Variants in NBAS observed in about 807,000 individuals in gnomAD.
NBAS encodes the protein NAG/BC035112 fusion.
Under a neutral mutation model 302.5 loss-of-function variants are expected in NBAS, and 219 were observed. That is an observed-to-expected ratio of 0.72 (90% CI 0.65 to 0.81). The LOEUF (loss-of-function observed/expected upper bound fraction) is 0.81. Ranked by LOEUF, NBAS falls within the 30% of genes least tolerant of loss-of-function variation. NBAS has a pLI of 0.00. For missense variants in NBAS, 2,932 were observed against 2,841.6 expected (o/e 1.03, Z -0.72); for synonymous variants, 1,118 against 1,021.6 (o/e 1.09, Z -1.80).
the NBAS span, among the ~76,000 whole-genome samples, chr2:14,875,126 G>T: frequency 1.3e-5 from 2 of 151,910 alleles, no homozygotes; most frequent in Non-Finnish European, 2.9e-5. Context: ...AAGATCCTAG[G>T]GATATTTGGC....
At chr2:15,030,335 G>A in the NBAS span, among the ~76,000 whole-genome samples, 1 of 152,214 alleles carries the variant, frequency 6.6e-6, no homozygotes, top group South Asian at 2.1e-4. Context: ...GAAGTGGGTT[G>A]AAGTTTGGAT....
chr2:15,293,990 G>A (rs1346442348), intron 40 of NBAS, among the ~76,000 whole-genome samples: 3 of 152,148 alleles, frequency 2.0e-5, no homozygotes. Flanking sequence ...AAAAGACCTG[G>A]GTTTGAATAC....
chr2:14,954,042 T>G, the NBAS span, among the ~76,000 whole-genome samples: 1 of 152,152 alleles, frequency 6.6e-6, no homozygotes, highest in Non-Finnish European at 1.5e-5. Context: ...GCTTCATTCT[T>G]AAGATTTTCA....
intron 41 of NBAS, among the ~76,000 whole-genome samples, chr2:15,289,621 C>G (rs915875946): frequency 6.6e-6 from 1 of 152,146 alleles, no homozygotes; most frequent in Non-Finnish European, 1.5e-5. Flanking sequence ...AGTTACCCTG[C>G]CTGACCCCTG....
At chr2:15,476,105 C>CA (rs1295131304) in intron 13 of NBAS, among the ~76,000 whole-genome samples, 1 of 152,080 alleles carries the variant, frequency 6.6e-6, no homozygotes, top group Non-Finnish European at 1.5e-5. Context: ...AACAATTTGT[C>CA]AGTCTAGGTC....
chr2:15,342,770 A>G (rs1227536765), intron 35 of NBAS, among the ~76,000 whole-genome samples: 1 of 152,094 alleles, frequency 6.6e-6, no homozygotes, highest in Non-Finnish European at 1.5e-5. Context: ...TTTATCATAG[A>G]TGTTTCACAT....
At chr2:15,384,644 T>G (rs1675201710) in intron 28 of NBAS, among the ~76,000 whole-genome samples, 1 of 152,160 alleles carries the variant, frequency 6.6e-6, no homozygotes, top group Non-Finnish European at 1.5e-5. Flanking sequence ...TTGTTTCTAG[T>G]AGGAGAGACA....
At chr2:15,166,824 T>G, downstream of NBAS, 1 of 483,070 alleles carries the variant, frequency 2.1e-6, no homozygotes. Flanking sequence ...AAAAGGAGGG[T>G]GGGAAGGAAG....
intron 50 of NBAS, among the ~76,000 whole-genome samples, chr2:15,185,243 T>A (rs772246229): frequency 1.2e-4 from 19 of 152,062 alleles, no homozygotes; most frequent in Non-Finnish European, 2.8e-4. Flanking sequence ...TTACAGAAGG[T>A]GGTGAAGGTT....
At chr2:14,953,971 G>T in the NBAS span, among the ~76,000 whole-genome samples, 1 of 152,162 alleles carries the variant, frequency 6.6e-6, no homozygotes, top group Admixed American at 6.5e-5. Flanking sequence ...GCTAGAGCAG[G>T]ATATTTTACC....
At chr2:15,371,479 T>C (rs539436890) in intron 31 of NBAS, among the ~76,000 whole-genome samples, 1 of 152,370 alleles carries the variant, frequency 6.6e-6, no homozygotes, top group East Asian at 1.9e-4. Flanking sequence ...TTATAAAGAA[T>C]AGAATCTTCT....
intron 9 of NBAS, among the ~76,000 whole-genome samples, chr2:15,520,828 T>C (rs1355305167): frequency 3.9e-5 from 6 of 152,236 alleles, no homozygotes; most frequent in Admixed American, 3.9e-4. Context: ...AAAAGCTTAC[T>C]GGGCATGGGA....
intron 6 of NBAS, among the ~76,000 whole-genome samples, chr2:15,546,699 G>A (rs569108690): frequency 6.6e-6 from 1 of 152,338 alleles, no homozygotes; most frequent in Admixed American, 6.5e-5. Flanking sequence ...CTGCACTCCA[G>A]CCTCAGTGAC....
In NBAS at chr2:15,175,059, C is replaced by T. The variant is rs903134690; in HGVS notation, c.6840+3929G>A. Among the ~76,000 whole-genome samples the T allele has an allele frequency of 4.6e-5, 7 of 152,218 alleles. No individual in the cohort carries two copies. In the South Asian group the frequency reaches 6.2e-4, roughly 14 times the overall value. ...CTCAGCTCACTGCAGCTCCACCTCC[C>T]GGGTCCACACCATTCTCCTGCCTCA... is the stretch of plus-strand genomic sequence containing the variant. On this transcript the variant is annotated intron_variant, in intron 51 of 51. Transcript: ENST00000281513.
At chr2:15,552,778 A>C (rs577860756) in intron 5 of NBAS, among the ~76,000 whole-genome samples, 1 of 149,748 alleles carries the variant, frequency 6.7e-6, no homozygotes, top group Admixed American at 6.8e-5. Context: ...GTACCAACAG[A>C]GAAAAAGCAT....
chr2:15,229,781 T>TAA (rs548444923), intron 47 of NBAS, among the ~76,000 whole-genome samples: 1 of 117,428 alleles, frequency 8.5e-6, no homozygotes, highest in African/African-American at 3.2e-5. Context: ...AAACTCCACG[T>TAA]AAAAAAAAAA....
chr2:14,838,944 GAAGA>G, the NBAS span, among the ~76,000 whole-genome samples: 1 of 151,964 alleles, frequency 6.6e-6, no homozygotes, highest in Non-Finnish European at 1.5e-5. Flanking sequence ...TTTCAGCAGA[GAAGA>G]AAGAATGTTG....
At chr2:14,855,006 G>C in the NBAS span, among the ~76,000 whole-genome samples, 1 of 152,066 alleles carries the variant, frequency 6.6e-6, no homozygotes, top group Non-Finnish European at 1.5e-5. Flanking sequence ...GGTTCCAAAA[G>C]AGACCCCTTC....
chr2:14,823,468 C>T, the NBAS span, among the ~76,000 whole-genome samples: 7 of 152,282 alleles, frequency 4.6e-5, no homozygotes, highest in African/African-American at 1.7e-4. Context: ...AATGAGGAAA[C>T]AGAACCTAGA....
Sources: gnomAD v4.1 joint callset for allele counts (sites outside exome capture counted in the v4.1 genomes callset) on GRCh38, gnomAD v4.1.1 for gene constraint, MANE v1.5 for transcripts, NCBI Gene and HGNC (gene_info 2026-07-23, HGNC 2026-07-21) for gene names.